The following IRS1 variants were observed in gnomAD, a reference collection of about 807,000 sequenced individuals.
The protein encoded by IRS1 is insulin receptor substrate 1.
Under a neutral mutation model 65.6 loss-of-function variants are expected in IRS1, and 34 were observed. The observed-to-expected ratio is 0.52, with a 90% CI of 0.39 to 0.69. The LOEUF (loss-of-function observed/expected upper bound fraction) is 0.69, where lower values mean the gene tolerates loss of function less well. Ranked by LOEUF, IRS1 falls within the 30% of genes least tolerant of loss-of-function variation. IRS1 has a pLI of 0.00. For synonymous variants in IRS1, 699 were observed against 683.5 expected (o/e 1.02, Z -0.35); for missense variants, 1,641 against 1,720.2 (o/e 0.95, Z 0.81).
At chr2:226,786,533 T>C (rs1939489221) in intron 1 of IRS1, among the ~76,000 whole-genome samples, 1 of 151,610 alleles carries the variant, frequency 6.6e-6, no homozygotes, top group South Asian at 2.1e-4. Flanking sequence ...TCAAAATTTA[T>C]AAGCAGTCTA....
At chr2:226,793,230 G>C (rs560152094) in intron 1 of IRS1, among the ~76,000 whole-genome samples, 2 of 152,090 alleles carry the variant, frequency 1.3e-5, no homozygotes, top group Non-Finnish European at 2.9e-5. Context: ...AAATTAAGAT[G>C]ACAAGTAAGA....
At chr2:226,761,867 G>C (rs1260024315) in intron 1 of IRS1, among the ~76,000 whole-genome samples, 1 of 152,216 alleles carries the variant, frequency 6.6e-6, no homozygotes, top group Non-Finnish European at 1.5e-5. Context: ...GGATAACAGA[G>C]GTTGCCAGGT....
intron 1 of IRS1, among the ~76,000 whole-genome samples, chr2:226,788,378 A>G (rs1391254805): frequency 6.6e-6 from 1 of 152,176 alleles, no homozygotes; most frequent in Non-Finnish European, 1.5e-5. Flanking sequence ...AATGGAAAAT[A>G]CAGAAAAAGG....
intron 1 of IRS1, among the ~76,000 whole-genome samples, chr2:226,773,904 TATAAA>T (rs1249198355): frequency 6.6e-6 from 1 of 152,206 alleles, no homozygotes; most frequent in Non-Finnish European, 1.5e-5. Context: ...TGAAAGACTG[TATAAA>T]TATGATCCTC....
intron 1 of IRS1, among the ~76,000 whole-genome samples, chr2:226,760,782 T>C (rs1938902669): frequency 6.6e-6 from 1 of 152,254 alleles, no homozygotes; most frequent in South Asian, 2.1e-4. Context: ...TGATTTGCTT[T>C]TTTAAAAAAT....
intron 1 of IRS1, among the ~76,000 whole-genome samples, chr2:226,779,547 A>G (rs1216490460): frequency 1.3e-5 from 2 of 152,248 alleles, no homozygotes; most frequent in African/African-American, 4.8e-5. Context: ...TTTAGAAAGC[A>G]GCAAAAATGT....
At chr2:226,773,856 C>T (rs16822625) in intron 1 of IRS1, among the ~76,000 whole-genome samples, 11,433 of 152,138 alleles carry the variant, frequency 0.075, 705 homozygotes, top group African/African-American at 0.17. Context: ...TGATTCCATG[C>T]TGTACCTAGT....
chr2:226,769,884 C>G (rs543785897), intron 1 of IRS1, among the ~76,000 whole-genome samples: 1 of 152,304 alleles, frequency 6.6e-6, no homozygotes, highest in Admixed American at 6.5e-5. Flanking sequence ...GATCGCCTTA[C>G]TGCCATATAA....
At position 226,790,729 on chromosome 2, in the gene IRS1, G is replaced by A. The variant is rs9282769; in HGVS notation, c.*21+4260C>T. 3.8e-3 allele frequency among the ~76,000 whole-genome samples: 576 copies of A among 152,258 alleles called. 6 individuals are homozygous for A. The highest frequency in any genetic ancestry group is 0.014 in the Middle Eastern group (4 of 294). ...TTATTTGAGAGGGAAGGAGGAGGAG[G>A]AGAAAATACTCCCATAGCACTTTTC... is the stretch of plus-strand genomic sequence containing the variant. On this transcript the variant is annotated intron_variant, in intron 1 of 1. Transcript: ENST00000305123.
At chr2:226,766,686 T>TA (rs1487702174) in intron 1 of IRS1, among the ~76,000 whole-genome samples, 1 of 152,166 alleles carries the variant, frequency 6.6e-6, no homozygotes, top group African/African-American at 2.4e-5. Flanking sequence ...GGATCACTGG[T>TA]ATTAAGTATA....
intron 1 of IRS1, among the ~76,000 whole-genome samples, chr2:226,746,359 GGAACT>G (rs1174896620): frequency 2.0e-5 from 3 of 152,144 alleles, no homozygotes; most frequent in Non-Finnish European, 4.4e-5. Context: ...CTCATCTGAA[GGAACT>G]GAACAGGAGT....
At chr2:226,749,544 A>G (rs942667450) in intron 1 of IRS1, among the ~76,000 whole-genome samples, 1 of 152,212 alleles carries the variant, frequency 6.6e-6, no homozygotes, top group Non-Finnish European at 1.5e-5. Context: ...GAAAAAGTCA[A>G]TAGGAAGTTG....
chr2:226,742,559 C>T (rs1423897502), intron 1 of IRS1, among the ~76,000 whole-genome samples: 2 of 152,132 alleles, frequency 1.3e-5, no homozygotes, highest in Non-Finnish European at 2.9e-5. Context: ...CCAGATCTTC[C>T]AGTGCGCAGG....
chr2:226,775,747 C>T (rs1190421181), intron 1 of IRS1, among the ~76,000 whole-genome samples: 1 of 152,106 alleles, frequency 6.6e-6, no homozygotes, highest in Non-Finnish European at 1.5e-5. Context: ...TGCTCAAGTC[C>T]TTTGTATAAA....
chr2:226,766,881 CAT>C (rs1422704717), intron 1 of IRS1, among the ~76,000 whole-genome samples: 2 of 152,098 alleles, frequency 1.3e-5, no homozygotes, highest in Non-Finnish European at 2.9e-5. Context: ...TTCATGAAAC[CAT>C]AGAGCCAGCT....
At chr2:226,771,630 A>G (rs917551408) in intron 1 of IRS1, among the ~76,000 whole-genome samples, 21 of 151,992 alleles carry the variant, frequency 1.4e-4, no homozygotes, top group Non-Finnish European at 2.9e-4. Context: ...CATATAATAT[A>G]CTTAAACATC....
In IRS1 at chr2:226,797,773, G is replaced by A. The variant is rs761411006; in HGVS notation, c.966C>T (p.Gly322=). ...SPASMVGGKP[G]SFRVRASSDG... ...CACTGGAGGCGCGGACACGGAAGGA[G>A]CCTGGCTTCCCGCCCACCATGCTGG... Residue 322 remains glycine, a synonymous_variant, in exon 1 of 2, where the codon GGC becomes GGT. Coordinates refer to ENST00000305123, the MANE Select transcript of IRS1 (RefSeq NM_005544.3). This position sits in a 1 kb window ranked among gnomAD's most constrained non-coding sequence, Gnocchi z 8.1. 1.3e-6 allele frequency: 2 copies of A among 1,595,604 alleles called. No individual in the cohort carries two copies. The highest frequency in any genetic ancestry group is 3.4e-5 in the Admixed American group (2 of 59,476).
Position 226,735,623 on chromosome 2 carries a change from T to C in IRS1, c.*649A>G, listed in dbSNP as rs1398388724. On this transcript the variant is annotated 3_prime_UTR_variant, in exon 2 of 2. Transcript: ENST00000305123. ...GCACTATGATTCTTATATTATGTTT[T>C]CTGAATTACAATCTTAAAACAAGGA... 1 of 152,644 alleles carries C rather than the reference T, an allele frequency of 6.6e-6. No individual in the cohort carries two copies. Among genetic ancestry groups the C allele is most frequent in the Non-Finnish European group, 1.5e-5 (1 of 68,040 alleles). 9.5% of individuals were successfully genotyped at this position (152,644 alleles called of 1,614,324 possible). A position where few individuals can be genotyped will look rare whatever the true frequency, so the allele number is the denominator to read the frequency against.
chr2:226,740,127 A>G (rs1024571066), intron 1 of IRS1, among the ~76,000 whole-genome samples: 2 of 152,266 alleles, frequency 1.3e-5, no homozygotes, highest in Non-Finnish European at 2.9e-5. Context: ...CACTGCAAAT[A>G]TCAAGTGGTG....
Sources: allele counts gnomAD v4.1 joint callset (sites outside exome capture counted in the v4.1 genomes callset), GRCh38; gene constraint gnomAD v4.1.1; non-coding constraint Gnocchi (gnomAD v3.1); transcripts MANE v1.5; gene names NCBI Gene and HGNC (gene_info 2026-07-23, HGNC 2026-07-21).